Variants in SLCO3A1 observed in about 807,000 individuals in gnomAD.
SLCO3A1 encodes PGE1 transporter.
SLCO3A1 carries 27 observed loss-of-function variants against 63.1 expected under a neutral mutation model. The observed-to-expected ratio is 0.43, with a 90% CI of 0.32 to 0.59. The LOEUF is 0.59. SLCO3A1 is among the 20% of genes least tolerant of loss of function. The probability of loss-of-function intolerance (pLI) is 0.09; values close to 1 mark genes in which losing one functional copy is unlikely to be tolerated. For missense variants in SLCO3A1, 773 were observed against 945.8 expected (o/e 0.82, Z 2.40); for synonymous variants, 473 against 409.9 (o/e 1.15, Z -1.86).
chr15:92,072,866 C>G (rs1346787715), intron 2 of SLCO3A1, among the ~76,000 whole-genome samples: 1 of 152,178 alleles, frequency 6.6e-6, no homozygotes, highest in Non-Finnish European at 1.5e-5. Flanking sequence ...TGCAAAGACC[C>G]TTTTTCCAAA....
At chr15:92,084,735 G>T (rs1324132066) in intron 2 of SLCO3A1, among the ~76,000 whole-genome samples, 1 of 152,162 alleles carries the variant, frequency 6.6e-6, no homozygotes, top group African/African-American at 2.4e-5. Context: ...CTCTCACCCA[G>T]CCCCACAGGC....
intron 1 of SLCO3A1, among the ~76,000 whole-genome samples, chr15:91,896,254 G>A (rs1465098698): frequency 1.3e-5 from 2 of 152,130 alleles, no homozygotes; most frequent in Non-Finnish European, 2.9e-5. Context: ...TCTAACTCTG[G>A]AAACCAGCAT....
intron 2 of SLCO3A1, among the ~76,000 whole-genome samples, chr15:92,093,438 C>T (rs1295192523): frequency 6.6e-6 from 1 of 152,150 alleles, no homozygotes; most frequent in African/African-American, 2.4e-5. Context: ...AGGGGTCTGC[C>T]CCCATGATCT....
At position 92,100,700 on chromosome 15, in the gene SLCO3A1, G is replaced by A. The variant is rs892654211; in HGVS notation, c.746-3579G>A. ...CCTGAGACTGCTGTTCTTATAGAAC[G>A]TGGATTTCTATTTCCTAAACCTTTT... On this transcript the variant is annotated intron_variant, in intron 3 of 9. Coordinates refer to ENST00000318445, the MANE Select transcript of SLCO3A1 (RefSeq NM_013272.4). Among the ~76,000 whole-genome samples, 10 of 152,200 alleles carry A rather than the reference G, an allele frequency of 6.6e-5. No individual in the cohort carries two copies. In the South Asian group the frequency reaches 1.0e-3, roughly 16 times the overall value.
chr15:92,055,565 G>A (rs546809077), intron 2 of SLCO3A1, among the ~76,000 whole-genome samples: 2 of 152,020 alleles, frequency 1.3e-5, no homozygotes, highest in Admixed American at 6.5e-5. Flanking sequence ...AGTATTCCAC[G>A]TCGTGGTTGC....
In SLCO3A1 at chr15:91,885,078, C is replaced by T. The variant is rs557941176; in HGVS notation, c.181-30915C>T. On this transcript the variant is annotated intron_variant, in intron 1 of 9. Transcript: ENST00000318445. The surrounding 1 kb of genome is among the most constrained non-coding windows in gnomAD (Gnocchi z 4.7). ...TTCCTTTAGAAGTAAAAAGCCTTTC[C>T]GTCCCATATAGGGACACAGAAAGGA... Among the ~76,000 whole-genome samples, 5 of 152,214 alleles carry T rather than the reference C, an allele frequency of 3.3e-5. No homozygotes were observed. Among genetic ancestry groups the T allele is most frequent in the East Asian group, 1.9e-4 (1 of 5,168 alleles).
chr15:92,096,790 GA>G (rs201812261), intron 3 of SLCO3A1, among the ~76,000 whole-genome samples: 17 of 150,022 alleles, frequency 1.1e-4, no homozygotes, highest in African/African-American at 2.4e-4. Context: ...TTTCCAAGTG[GA>G]AAAAAAAAAT....
chr15:91,975,860 A>G (rs1901087728), intron 2 of SLCO3A1, among the ~76,000 whole-genome samples: 1 of 152,160 alleles, frequency 6.6e-6, no homozygotes, highest in African/African-American at 2.4e-5. Context: ...TGGAGTGAGG[A>G]AAGAACCCTG....
chr15:91,940,668 G>A (rs749643512), intron 2 of SLCO3A1, among the ~76,000 whole-genome samples: 33 of 152,254 alleles, frequency 2.2e-4, no homozygotes, highest in African/African-American at 7.2e-4. Context: ...CATGTGAGTC[G>A]ACTGTTTCCT....
chr15:91,946,948 A>C (rs967716672), intron 2 of SLCO3A1, among the ~76,000 whole-genome samples: 1 of 152,172 alleles, frequency 6.6e-6, no homozygotes, highest in African/African-American at 2.4e-5. Flanking sequence ...TTTATAATCA[A>C]ATGTGTCCAT....
intron 2 of SLCO3A1, among the ~76,000 whole-genome samples, chr15:92,075,897 C>T (rs914502106): frequency 6.6e-6 from 1 of 152,212 alleles, no homozygotes; most frequent in Non-Finnish European, 1.5e-5. Flanking sequence ...GTACTTGCCT[C>T]ACAGTATAAT....
At chr15:91,877,966 G>A (rs549415726) in intron 1 of SLCO3A1, among the ~76,000 whole-genome samples, 1 of 152,074 alleles carries the variant, frequency 6.6e-6, no homozygotes, top group African/African-American at 2.4e-5. Flanking sequence ...AGAATCTCAG[G>A]GCTTTCCTTA....
At chr15:92,012,677 C>T (rs1317704482) in intron 2 of SLCO3A1, among the ~76,000 whole-genome samples, 1 of 148,490 alleles carries the variant, frequency 6.7e-6, no homozygotes, top group Non-Finnish European at 1.5e-5. Flanking sequence ...CTGAGGTGGG[C>T]AGATCCCTTG....
intron 2 of SLCO3A1, among the ~76,000 whole-genome samples, chr15:92,066,554 G>A (rs1228549987): frequency 6.6e-6 from 1 of 152,214 alleles, no homozygotes; most frequent in African/African-American, 2.4e-5. Flanking sequence ...GTGTCTTACT[G>A]GTGAGTTCAA....
In SLCO3A1 at chr15:92,163,528, A is replaced by T. The variant is rs1351270375; in HGVS notation, c.*393A>T. ...ACATACAAAACAGAAAACATTTTTT[A>T]AAAGAAGTTTCCTAAAATAAAAAAA... On this transcript the variant is annotated 3_prime_UTR_variant, in exon 10 of 10. Transcript: ENST00000318445. The T allele has an allele frequency of 4.1e-6, 4 of 979,958 alleles. No homozygotes were observed. The highest frequency in any genetic ancestry group is 4.8e-6 in the Non-Finnish European group (4 of 829,656). The allele number at this position is 979,958 out of a possible 1,614,324, so 60.7% of individuals were successfully genotyped here. A position where few individuals can be genotyped will look rare whatever the true frequency, so the allele number is the denominator to read the frequency against.
At chr15:91,974,332 C>T (rs1901013052) in intron 2 of SLCO3A1, among the ~76,000 whole-genome samples, 1 of 150,438 alleles carries the variant, frequency 6.6e-6, no homozygotes, top group African/African-American at 2.5e-5. Flanking sequence ...TGCAGTGTAT[C>T]CTGGGGGAAC....
chr15:91,895,475 C>T (rs1897980291), intron 1 of SLCO3A1, among the ~76,000 whole-genome samples: 1 of 152,206 alleles, frequency 6.6e-6, no homozygotes, highest in African/African-American at 2.4e-5. Context: ...AAGGGGCTAG[C>T]TCAACCATAG....
At chr15:92,071,053 T>G (rs993613697) in intron 2 of SLCO3A1, among the ~76,000 whole-genome samples, 5 of 152,306 alleles carry the variant, frequency 3.3e-5, no homozygotes, top group African/African-American at 9.6e-5. Context: ...AAAGCCAGGA[T>G]TAAAGGGGCA....
At position 91,973,165 on chromosome 15, in the gene SLCO3A1, G is replaced by A. The variant is rs1567045700; in HGVS notation, c.646+56707G>A. Among the ~76,000 whole-genome samples, 5 of 152,204 alleles carry A rather than the reference G, an allele frequency of 3.3e-5. No homozygotes were observed. In the South Asian group the frequency reaches 1.0e-3, roughly 31 times the overall value. On this transcript the variant is annotated intron_variant, in intron 2 of 9. Transcript: ENST00000318445. ...AGTGCCCTGGGGCAGGGGAACTGAG[G>A]CAAAAGGGTGGGGATTGCAACCCCT...
Sources: gnomAD v4.1 joint callset for allele counts (sites outside exome capture counted in the v4.1 genomes callset) on GRCh38, gnomAD v4.1.1 for gene constraint, Gnocchi (gnomAD v3.1) non-coding constraint, MANE v1.5 for transcripts, NCBI Gene and HGNC (gene_info 2026-07-23, HGNC 2026-07-21) for gene names.